The following PDLIM5 variants were observed in gnomAD, a reference collection of about 807,000 sequenced individuals.
PDLIM5 encodes PDZ and LIM domain protein 5.
PDLIM5 carries 34 observed loss-of-function variants against 64.2 expected under a neutral mutation model. The ratio of observed to expected loss-of-function variants is 0.53; its 90% confidence interval spans 0.40 to 0.71. PDLIM5 has a LOEUF of 0.71. PDLIM5 is among the 30% of genes least tolerant of loss of function. PDLIM5 has a pLI of 0.00. For synonymous variants in PDLIM5, 253 were observed against 269.1 expected, an observed-to-expected ratio of 0.94 and a Z score of 0.59; for missense variants, 683 against 733.6, an observed-to-expected ratio of 0.93 and a Z score of 0.80.
chr4:94,604,220 A>G (rs1008246458), intron 7 of PDLIM5, among the ~76,000 whole-genome samples: 6 of 152,250 alleles, frequency 3.9e-5, no homozygotes, highest in South Asian at 4.1e-4. Context: ...GCAGTAGTCA[A>G]TTGAGCCAGA....
intron 3 of PDLIM5, among the ~76,000 whole-genome samples, chr4:94,566,290 A>G (rs1189194144): frequency 6.6e-6 from 1 of 152,210 alleles, no homozygotes; most frequent in Non-Finnish European, 1.5e-5. Flanking sequence ...AATAAATGAG[A>G]TAATTTATAT....
At chr4:94,607,996 A>G (rs1337025967) in intron 7 of PDLIM5, 1 of 1,189,540 alleles carries the variant, frequency 8.4e-7, no homozygotes, top group Non-Finnish European at 1.2e-6. Flanking sequence ...TAGATGATAA[A>G]TGTCTTTTGT....
At chr4:94,610,232 C>A in intron 7 of PDLIM5, 1 of 1,516,498 alleles carries the variant, frequency 6.6e-7, no homozygotes, top group South Asian at 1.2e-5. Flanking sequence ...TTCTCTTCTC[C>A]TGCTAGATAT....
intron 3 of PDLIM5, among the ~76,000 whole-genome samples, chr4:94,548,318 C>A (rs1310034596): frequency 6.6e-6 from 1 of 152,124 alleles, no homozygotes; most frequent in African/African-American, 2.4e-5. Context: ...AAACTCTAAG[C>A]CTTTACTTTT....
rs938560975 is a variant in PDLIM5, at chr4:94,501,572, G to A, written c.97-22152G>A. 2.0e-5 allele frequency among the ~76,000 whole-genome samples: 3 copies of A among 152,120 alleles called. No individual in the cohort carries two copies. The South Asian group carries it at 6.2e-4, about 32-fold the overall frequency. ...GTTGAATCTAATAATAAGAATTTGG[G>A]GCCTGTATTTTATAGTTTTTTAGAG... is the stretch of plus-strand genomic sequence containing the variant. On this transcript the variant is annotated intron_variant, in intron 2 of 12. Transcript: ENST00000317968.
intron 9 of PDLIM5, among the ~76,000 whole-genome samples, chr4:94,646,158 G>A (rs1056982238): frequency 4.6e-5 from 7 of 152,186 alleles, no homozygotes; most frequent in African/African-American, 1.7e-4. Context: ...GAAGGTTACT[G>A]TTGTGAACCG....
chr4:94,611,548 A>T (rs897465403), intron 7 of PDLIM5, among the ~76,000 whole-genome samples: 3 of 152,250 alleles, frequency 2.0e-5, no homozygotes, highest in African/African-American at 7.2e-5. Flanking sequence ...GGTAAGACAT[A>T]GCTTTTAGAA....
chr4:94,458,841 T>G (rs1172127174), intron 2 of PDLIM5, among the ~76,000 whole-genome samples: 2 of 152,206 alleles, frequency 1.3e-5, no homozygotes, highest in African/African-American at 4.8e-5. Flanking sequence ...ATTGTATGAA[T>G]TTTGTATACT....
Position 94,627,734 on chromosome 4 carries a change from A to G in PDLIM5, c.1108+9543A>G, listed in dbSNP as rs1442666960. ...TTATTCTCTGGCTCTTTACAGAAAAAGTTTTGTTAACACTGGTTTTCAAAC... is the reference window on the plus strand; with the variant it reads ...TTATTCTCTGGCTCTTTACAGAAAAGGTTTTGTTAACACTGGTTTTCAAAC... On this transcript the variant is annotated intron_variant, in intron 8 of 12. Transcript: ENST00000317968. Among the ~76,000 whole-genome samples the G allele has an allele frequency of 2.0e-5, 3 of 152,220 alleles. No individual in the cohort carries two copies. In the East Asian group the frequency reaches 5.8e-4, roughly 29 times the overall value.
rs139066407 is a variant in PDLIM5 at position 94,658,988 on chromosome 4, G to A, written c.1585+1441G>A. ...CTAACTGGCAGGTAGCCCATATCTA[G>A]CCAAAACACATAAAACAGTCTAGCC... is the stretch of plus-strand genomic sequence containing the variant. On this transcript the variant is annotated intron_variant, in intron 11 of 12. Transcript: ENST00000317968. 1.8e-3 allele frequency among the ~76,000 whole-genome samples: 268 copies of A among 152,216 alleles called. 1 individual carries two copies. Among genetic ancestry groups the A allele is most frequent in the African/African-American group, 6.3e-3 (262 of 41,530 alleles).
intron 7 of PDLIM5, among the ~76,000 whole-genome samples, chr4:94,617,048 T>G (rs999400374): frequency 1.3e-5 from 2 of 152,248 alleles, no homozygotes; most frequent in African/African-American, 4.8e-5. Flanking sequence ...CCTCCCAAAG[T>G]GCTGGGATTA....
intron 3 of PDLIM5, among the ~76,000 whole-genome samples, chr4:94,563,958 C>CTTTTTTTTTTTT (rs796820308): frequency 7.0e-4 from 83 of 119,354 alleles, no homozygotes; most frequent in Non-Finnish European, 8.7e-4. Flanking sequence ...TTCTTTCTTT[C>CTTTTTTTTTTTT]TTTTTTTTTT....
chr4:94,500,607 C>A (rs1727825117), intron 2 of PDLIM5, among the ~76,000 whole-genome samples: 1 of 152,018 alleles, frequency 6.6e-6, no homozygotes, highest in African/African-American at 2.4e-5. Flanking sequence ...GAAGTGATAG[C>A]AACTAAAATA....
chr4:94,584,370 A>G (rs752758469), intron 5 of PDLIM5: 7 of 152,216 alleles, frequency 4.6e-5, no homozygotes, highest in South Asian at 2.1e-4. Context: ...ATTCCTTTGT[A>G]TTTATGCCCT....
At chr4:94,645,655 T>C (rs1328459832) in intron 9 of PDLIM5, among the ~76,000 whole-genome samples, 2 of 152,196 alleles carry the variant, frequency 1.3e-5, no homozygotes, top group South Asian at 2.1e-4. Context: ...GCCAGTGTGC[T>C]TTAGAAAAAA....
At chr4:94,473,214 C>A (rs547089065) in intron 2 of PDLIM5, among the ~76,000 whole-genome samples, 1 of 152,278 alleles carries the variant, frequency 6.6e-6, no homozygotes, top group South Asian at 2.1e-4. Context: ...GCTCCGATGG[C>A]TGGAGTAGGC....
rs1025141864 is a variant in PDLIM5 at position 94,664,985 on chromosome 4, T to C, written c.*918T>C. ...ATGCCAGTAAGAGATGTTATATTCT[T>C]TTCTCATTTCTTCCCCACCCAAAAA... On this transcript the variant is annotated 3_prime_UTR_variant, in exon 13 of 13. Transcript: ENST00000317968. 1.6e-5 allele frequency: 16 copies of C among 983,082 alleles called. No individual in the cohort carries two copies. In the East Asian group the frequency reaches 1.5e-3, roughly 91 times the overall value. The allele number at this position is 983,082 out of a possible 1,614,324, so 60.9% of individuals were successfully genotyped here.
intron 7 of PDLIM5, among the ~76,000 whole-genome samples, chr4:94,606,336 G>A (rs1159506601): frequency 6.6e-6 from 1 of 152,142 alleles, no homozygotes. Flanking sequence ...CATGACAGGG[G>A]CAGCTAAGGT....
intron 2 of PDLIM5, among the ~76,000 whole-genome samples, chr4:94,459,469 T>G (rs777511253): frequency 2.6e-5 from 4 of 152,200 alleles, no homozygotes; most frequent in Non-Finnish European, 5.9e-5. Flanking sequence ...TTACTATTGC[T>G]TGGATTATGG....
Sources: gnomAD v4.1 joint callset for allele counts (sites outside exome capture counted in the v4.1 genomes callset) on GRCh38, gnomAD v4.1.1 for gene constraint, MANE v1.5 for transcripts, NCBI Gene and HGNC (gene_info 2026-07-23, HGNC 2026-07-21) for gene names.